Variants in PACS2 observed in about 807,000 individuals in gnomAD.
PACS2 encodes the protein PACS1-like protein.
A neutral mutation model predicts 113.0 loss-of-function variants in PACS2; 36 were observed. That is an observed-to-expected ratio of 0.32 (90% CI 0.24 to 0.42). PACS2 has a LOEUF of 0.42. PACS2 is among the 10% of genes least tolerant of loss of function. The pLI, the probability that PACS2 is intolerant of heterozygous loss-of-function variation, is 1.00. For synonymous variants in PACS2, 589 were observed against 536.1 expected (o/e 1.10, Z -1.36); for missense variants, 1,015 against 1,239.5 (o/e 0.82, Z 2.72).
At position 105,384,548 on chromosome 14, in the gene PACS2, G is replaced by A. The variant is rs116086067; in HGVS notation, c.1891+85G>A. 1.2e-3 allele frequency: 972 copies of A among 822,228 alleles called. 13 individuals carry two copies. In the African/African-American group the frequency reaches 0.015, roughly 13 times the overall value. 50.9% of individuals were successfully genotyped at this position (822,228 alleles called of 1,614,324 possible). A position where few individuals can be genotyped will look rare whatever the true frequency, so the allele number is the denominator to read the frequency against. On this transcript the variant is annotated intron_variant, in intron 17 of 24. Coordinates refer to ENST00000447393, the MANE Select transcript of PACS2 (RefSeq NM_001100913.3). Reference sequence around the variant, plus strand: ...CCAGATGCTGTGCCCAGGAGGCCCTGCACCTGCTCAGGCTCAGCCTCAGGG... The same window carrying A: ...CCAGATGCTGTGCCCAGGAGGCCCTACACCTGCTCAGGCTCAGCCTCAGGG...
chr14:105,360,515 C>G (rs2141088041), intron 4 of PACS2, among the ~76,000 whole-genome samples: 1 of 150,848 alleles, frequency 6.6e-6, no homozygotes, highest in Middle Eastern at 3.4e-3. Context: ...TGCATTCTAG[C>G]CTGGGTGACA....
intron 9 of PACS2, among the ~76,000 whole-genome samples, chr14:105,379,123 C>T (rs1436383660): frequency 6.6e-6 from 1 of 152,044 alleles, no homozygotes; most frequent in African/African-American, 2.4e-5. Flanking sequence ...CTGGATTTGC[C>T]TGAGTGGTCT....
intron 1 of PACS2, among the ~76,000 whole-genome samples, chr14:105,342,229 CCT>C (rs1491446089): frequency 2.3e-5 from 3 of 132,474 alleles, no homozygotes; most frequent in East Asian, 2.1e-4. Flanking sequence ...CAAGCTGCTG[CCT>C]GTGTGTGTGT....
At chr14:105,369,925 G>C (rs782603555) in intron 8 of PACS2, 25 bp downstream of exon 8, 2 of 1,587,820 alleles carry the variant, frequency 1.3e-6, no homozygotes, top group East Asian at 4.5e-5. Flanking sequence ...CCTTCTGCTC[G>C]CGGCCCCCAC....
rs146471982 is a variant in PACS2, at chr14:105,361,568, C to T, written c.424-5645C>T. ...AGAAGAATCGGTTGAACCTGGGAGG[C>T]GGAGGTTGCAGTGAGCTGAGATTGC... On this transcript the variant is annotated intron_variant, in intron 4 of 24. Transcript: ENST00000447393. Among the ~76,000 whole-genome samples the T allele has an allele frequency of 6.5e-4, 99 of 152,282 alleles. 3 individuals are homozygous for T. Among genetic ancestry groups the T allele is most frequent in the African/African-American group, 2.2e-3 (92 of 41,558 alleles).
intron 4 of PACS2, among the ~76,000 whole-genome samples, chr14:105,362,050 G>A (rs1346962205): frequency 6.8e-6 from 1 of 148,086 alleles, no homozygotes. Flanking sequence ...TTGAACCTGG[G>A]AAGTGGAGGT....
In PACS2 at chr14:105,384,384, C is replaced by T. The variant is rs149063451; in HGVS notation, c.1812C>T (p.Ser604=). Residue 604 remains serine (S), a synonymous_variant, in exon 17 of 25, where the codon TCC becomes TCT. Transcript: ENST00000447393. ...GSHPVARYLG[S]VDYRYNNFFQ... ...ACCCCGTGGCCAGGTACCTAGGCTCCGTGGACTACCGCTACAACAACTTCT... is the reference window on the plus strand; with the variant it reads ...ACCCCGTGGCCAGGTACCTAGGCTCTGTGGACTACCGCTACAACAACTTCT... 488 of 1,612,142 alleles carry T rather than the reference C, an allele frequency of 3.0e-4. No individual in the cohort carries two copies. The highest frequency in any genetic ancestry group is 5.8e-4 in the Admixed American group (35 of 60,006).
intron 2 of PACS2, among the ~76,000 whole-genome samples, chr14:105,350,668 C>A (rs782411637): frequency 6.6e-6 from 1 of 152,238 alleles, no homozygotes; most frequent in South Asian, 2.1e-4. Flanking sequence ...CCCACCTGCC[C>A]CTCAGCCTTC....
rs1207734230 is a variant in PACS2, at chr14:105,354,124, A to G, written c.298-928A>G. ...AGAATATAATAACGAGGGCAAAAAA[A>G]CACTTACTGAGTCAAGGCTATTTTG... On this transcript the variant is annotated intron_variant, in intron 3 of 24. Transcript: ENST00000447393. This position sits in a 1 kb window ranked among gnomAD's most constrained non-coding sequence, Gnocchi z 4.2. Among the ~76,000 whole-genome samples, 2 of 152,036 alleles carry G rather than the reference A, an allele frequency of 1.3e-5. No individual in the cohort carries two copies. The highest frequency in any genetic ancestry group is 4.8e-5 in the African/African-American group (2 of 41,392).
chr14:105,364,069 G>C (rs2060832166), intron 4 of PACS2, among the ~76,000 whole-genome samples: 1 of 152,180 alleles, frequency 6.6e-6, no homozygotes, highest in African/African-American at 2.4e-5. Flanking sequence ...ACTGATCACA[G>C]ATCACCATAC....
chr14:105,333,720 C>T (rs2059391632), intron 1 of PACS2, among the ~76,000 whole-genome samples: 1 of 152,218 alleles, frequency 6.6e-6, no homozygotes, highest in Non-Finnish European at 1.5e-5. Flanking sequence ...GCAAAGCAGC[C>T]CAAAGGTCCA....
chr14:105,383,409 G>T lies in PACS2; in HGVS notation c.1676G>T (p.Gly559Val). 6.2e-7 allele frequency: 1 copy of T among 1,607,852 alleles called. No homozygotes were observed. ...ACCCCCGTGAAGATCGCCGTGGCGG[G>T]AGCGCAGCATTACCTCAGTGCCATC... The part of the protein sequence containing the change: ...PPTPVKIAVA[G>V]AQHYLSAILR... Residue 559 changes from glycine to valine, a missense_variant, in exon 16 of 25, where the codon GGA becomes GTA. Transcript: ENST00000447393.
chr14:105,313,312 GCTACCCCCTCT>G (rs960259459), upstream of PACS2, among the ~76,000 whole-genome samples: 16 of 152,318 alleles, frequency 1.1e-4, no homozygotes, highest in Non-Finnish European at 1.9e-4. Context: ...CTGGGGTATG[GCTACCCCCTCT>G]CTGGACATAG....
chr14:105,319,426 A>C (rs1291830486), intron 1 of PACS2, among the ~76,000 whole-genome samples: 1 of 152,224 alleles, frequency 6.6e-6, no homozygotes, highest in Non-Finnish European at 1.5e-5. Context: ...TTCTGCTGTC[A>C]TGCATATCCT....
At chr14:105,316,128 G>A (rs141260195) in intron 1 of PACS2, among the ~76,000 whole-genome samples, 1 of 152,218 alleles carries the variant, frequency 6.6e-6, no homozygotes, top group Non-Finnish European at 1.5e-5. Context: ...CTCCTGGAGC[G>A]CAGGGTTGGG....
intron 1 of PACS2, among the ~76,000 whole-genome samples, chr14:105,327,553 G>A (rs1041917558): frequency 6.6e-6 from 1 of 152,114 alleles, no homozygotes; most frequent in African/African-American, 2.4e-5. Context: ...GCTAGCGCTC[G>A]GAGCCTGTGC....
In PACS2 at chr14:105,348,610, T is replaced by G; in HGVS notation, c.207+30T>G. On this transcript the variant is annotated intron_variant, in intron 2 of 24. Transcript: ENST00000447393. The surrounding 1 kb of genome is among the most constrained non-coding windows in gnomAD (Gnocchi z 6.4). Reference sequence around the variant, plus strand: ...GGCCGCTTGTGACCCCGGCTGTGGCTGGGTGCTGTGTAGGCTTTCCATGTG... The same window carrying G: ...GGCCGCTTGTGACCCCGGCTGTGGCGGGGTGCTGTGTAGGCTTTCCATGTG... 1 of 1,494,706 alleles carries G rather than the reference T, an allele frequency of 6.7e-7. No homozygotes were observed. The highest frequency in any genetic ancestry group is 9.3e-7 in the Non-Finnish European group (1 of 1,074,348). The allele number at this position is 1,494,706 out of a possible 1,614,324, so 92.6% of individuals were successfully genotyped here. A position where few individuals can be genotyped will look rare whatever the true frequency, so the allele number is the denominator to read the frequency against.
At chr14:105,331,191 G>A (rs2059291764) in intron 1 of PACS2, among the ~76,000 whole-genome samples, 1 of 152,178 alleles carries the variant, frequency 6.6e-6, no homozygotes, top group African/African-American at 2.4e-5. Flanking sequence ...CTGACCTCAG[G>A]TGATCTGCCT....
rs1269614312 is a variant in PACS2 at position 105,376,606 on chromosome 14, G to A, written c.802-162G>A. Among the ~76,000 whole-genome samples the A allele has an allele frequency of 6.6e-6, 1 of 152,100 alleles. No homozygotes were observed. Among genetic ancestry groups the A allele is most frequent in the Non-Finnish European group, 1.5e-5 (1 of 68,000 alleles). On this transcript the variant is annotated intron_variant, in intron 8 of 24. Coordinates refer to ENST00000447393, the MANE Select transcript of PACS2 (RefSeq NM_001100913.3). This position sits in a 1 kb window ranked among gnomAD's most constrained non-coding sequence, Gnocchi z 4.7. ...ACCGGGGGTCCTCGGTGATCATCCC[G>A]AGCTCCAAGACAGAAGCTGGACTAC...
Sources: allele counts gnomAD v4.1 joint callset (sites outside exome capture counted in the v4.1 genomes callset), GRCh38; gene constraint gnomAD v4.1.1; non-coding constraint Gnocchi (gnomAD v3.1); transcripts MANE v1.5; gene names NCBI Gene and HGNC (gene_info 2026-07-23, HGNC 2026-07-21).